Variants in STK32B observed in about 807,000 individuals in gnomAD.
STK32B encodes serine/threonine kinase 32B, also known as serine/threonine-protein kinase 32B.
A neutral mutation model predicts 52.6 loss-of-function variants in STK32B; 43 were observed. The observed-to-expected ratio is 0.82, with a 90% CI of 0.64 to 1.05. The LOEUF is 1.05. Ranked by LOEUF, STK32B falls within the 50% of genes least tolerant of loss-of-function variation. STK32B has a pLI of 0.00. For synonymous variants in STK32B, 238 were observed against 204.3 expected (o/e 1.17, Z -1.41); for missense variants, 621 against 534.6 (o/e 1.16, Z -1.59).
chr4:5,366,555 A>G (rs1423003603), intron 4 of STK32B, among the ~76,000 whole-genome samples: 1 of 152,220 alleles, frequency 6.6e-6, no homozygotes, highest in African/African-American at 2.4e-5. Context: ...GGCAACACCC[A>G]TGAGGGAAAA....
chr4:5,451,387 T>G (rs1715979524), intron 7 of STK32B, among the ~76,000 whole-genome samples: 1 of 152,156 alleles, frequency 6.6e-6, no homozygotes, highest in Non-Finnish European at 1.5e-5. Flanking sequence ...GGACAGTCTA[T>G]AAAGGACCTG....
chr4:5,342,172 A>G (rs565408321), intron 4 of STK32B, among the ~76,000 whole-genome samples: 2 of 152,302 alleles, frequency 1.3e-5, no homozygotes, highest in East Asian at 3.9e-4. Flanking sequence ...TAGAAACACC[A>G]CTGGGTCGCC....
At chr4:5,269,768 A>G (rs1342093826) in intron 3 of STK32B, among the ~76,000 whole-genome samples, 2 of 152,216 alleles carry the variant, frequency 1.3e-5, no homozygotes, top group African/African-American at 4.8e-5. Context: ...TAAAGGAAAT[A>G]CACCCCAGTT....
chr4:5,246,692 A>G (rs998310878), intron 3 of STK32B, among the ~76,000 whole-genome samples: 7 of 152,000 alleles, frequency 4.6e-5, no homozygotes, highest in Admixed American at 3.3e-4. Flanking sequence ...TGTCTTCCCT[A>G]TCTTTGTGGT....
At chr4:5,184,660 C>G (rs1195388130) in intron 3 of STK32B, among the ~76,000 whole-genome samples, 6 of 137,384 alleles carry the variant, frequency 4.4e-5, no homozygotes, top group Non-Finnish European at 7.6e-5. Flanking sequence ...TGCATTCCAG[C>G]CTGGTGACAG....
At chr4:5,431,954 T>C (rs1713621786) in intron 6 of STK32B, among the ~76,000 whole-genome samples, 1 of 152,230 alleles carries the variant, frequency 6.6e-6, no homozygotes, top group Admixed American at 6.5e-5. Flanking sequence ...TGCAATGAAT[T>C]ATGACAGAGC....
chr4:5,292,106 G>A (rs142858641), intron 3 of STK32B, among the ~76,000 whole-genome samples: 8 of 152,200 alleles, frequency 5.3e-5, no homozygotes, highest in East Asian at 3.9e-4. Context: ...ATAAAAACAC[G>A]AGTGCAGCGG....
At chr4:5,156,412 C>T (rs1717849279) in intron 2 of STK32B, among the ~76,000 whole-genome samples, 1 of 152,198 alleles carries the variant, frequency 6.6e-6, no homozygotes, top group Non-Finnish European at 1.5e-5. Flanking sequence ...TCCCACTCCT[C>T]TGCATGCAAA....
At chr4:5,437,719 G>C (rs1004065771) in intron 6 of STK32B, among the ~76,000 whole-genome samples, 1 of 152,174 alleles carries the variant, frequency 6.6e-6, no homozygotes, top group Non-Finnish European at 1.5e-5. Context: ...CCTGTTGGGT[G>C]GTTGGGAGAA....
chr4:5,316,863 ATATATTATATATAATATATTATATATATT>A (rs1730902899), intron 3 of STK32B, among the ~76,000 whole-genome samples: 1 of 7,496 alleles, frequency 1.3e-4, no homozygotes, highest in Non-Finnish European at 1.7e-4. Context: ...TATATATATT[ATATATTATATATAATATATTATATATATT>A]ATATATAATA....
intron 9 of STK32B, among the ~76,000 whole-genome samples, chr4:5,462,249 CCT>C (rs944577460): frequency 4.7e-5 from 7 of 149,818 alleles, no homozygotes; most frequent in African/African-American, 7.4e-5. Flanking sequence ...CGTGTGTGTG[CCT>C]CTGTTTTTGT....
chr4:5,450,736 ATTATGT>A (rs1346366050), intron 7 of STK32B, among the ~76,000 whole-genome samples: 1 of 152,214 alleles, frequency 6.6e-6, no homozygotes, highest in Admixed American at 6.5e-5. Context: ...AATGATTCTG[ATTATGT>A]TAATTACCCA....
At chr4:5,132,591 G>C (rs1267696148) in intron 1 of STK32B, among the ~76,000 whole-genome samples, 1 of 152,168 alleles carries the variant, frequency 6.6e-6, no homozygotes, top group African/African-American at 2.4e-5. Flanking sequence ...ACCTCTGGAA[G>C]CTGAAAAGAC....
chr4:5,282,593 T>C (rs537809235), intron 3 of STK32B, among the ~76,000 whole-genome samples: 74 of 152,258 alleles, frequency 4.9e-4, no homozygotes, highest in African/African-American at 1.7e-3. Context: ...AGTTTTTATG[T>C]GATGAGATGA....
intron 4 of STK32B, among the ~76,000 whole-genome samples, chr4:5,360,156 C>T (rs968404549): frequency 6.6e-6 from 1 of 152,118 alleles, no homozygotes. Context: ...TTGGCCAAAC[C>T]AGCCACAGTT....
chr4:5,140,673 C>T (rs1451131994), intron 2 of STK32B, among the ~76,000 whole-genome samples: 3 of 152,104 alleles, frequency 2.0e-5, no homozygotes, highest in African/African-American at 7.2e-5. Flanking sequence ...TTTCAGCAGC[C>T]CATACTGTTG....
rs1160008908 is a variant in STK32B at position 5,270,130 on chromosome 4, TAGTC to T, written c.261-61087_261-61084del. ...CTCAACCCAGTTTAGGGCATTGTATTAGTCAGGGTTCTCTAGAGGGACAGAATGA... is the reference window on the plus strand; with the variant it reads ...CTCAACCCAGTTTAGGGCATTGTATTAGGGTTCTCTAGAGGGACAGAATGA... On this transcript the variant is annotated intron_variant, in intron 3 of 11. Transcript: ENST00000282908. Among the ~76,000 whole-genome samples, 10 of 152,152 alleles carry T rather than the reference TAGTC, an allele frequency of 6.6e-5. No individual in the cohort carries two copies. The East Asian group carries it at 1.5e-3, about 24-fold the overall frequency.
intron 3 of STK32B, among the ~76,000 whole-genome samples, chr4:5,256,661 C>T (rs1726321766): frequency 6.6e-6 from 1 of 152,214 alleles, no homozygotes; most frequent in Admixed American, 6.5e-5. Flanking sequence ...ATCCTGTCCC[C>T]TGCGAAGTCT....
chr4:5,377,993 G>A (rs1577416462), intron 4 of STK32B, among the ~76,000 whole-genome samples: 2 of 152,302 alleles, frequency 1.3e-5, no homozygotes, highest in Admixed American at 1.3e-4. Flanking sequence ...TGCCCACCAA[G>A]GATTTGAGAT....
Sources: gnomAD v4.1 joint callset for allele counts (sites outside exome capture counted in the v4.1 genomes callset) on GRCh38, gnomAD v4.1.1 for gene constraint, MANE v1.5 for transcripts, NCBI Gene and HGNC (gene_info 2026-07-23, HGNC 2026-07-21) for gene names.